COL18A1: variants seen among roughly 807,000 people sequenced by gnomAD.
COL18A1 encodes the protein collagen type XVIII alpha 1 chain.
COL18A1 carries 133 observed loss-of-function variants against 168.0 expected under a neutral mutation model. The ratio of observed to expected loss-of-function variants is 0.79; its 90% CI spans 0.69 to 0.91. The LOEUF (loss-of-function observed/expected upper bound fraction) is 0.91, where lower values mean the gene tolerates loss of function less well. Ranked by LOEUF, COL18A1 falls within the 40% of genes least tolerant of loss-of-function variation. The pLI, the probability that COL18A1 is intolerant of heterozygous loss-of-function variation, is 0.00. For missense variants in COL18A1, 2,126 were observed against 1,925.4 expected (o/e 1.10, Z -1.95); for synonymous variants, 949 against 809.0 (o/e 1.17, Z -2.94).
At chr21:45,466,802 G>A (rs111762736) in intron 2 of COL18A1, among the ~76,000 whole-genome samples, 1 of 152,352 alleles carries the variant, frequency 6.6e-6, no homozygotes, top group African/African-American at 2.4e-5. Context: ...ATGACGGAAT[G>A]TTCTAGGAAG....
At position 45,442,219 on chromosome 21, in the gene COL18A1, A is replaced by G. The variant is rs118013122; in HGVS notation, c.107-26023A>G. On this transcript the variant is annotated intron_variant, in intron 2 of 41. Transcript: ENST00000651438. The stretch of plus-strand genomic sequence containing the variant: ...CCATGACTGGATACCACCGGTGCAC[A>G]GGGTGCACGTGAGGAAACCCTGCCC... Among the ~76,000 whole-genome samples the G allele has an allele frequency of 3.2e-3, 482 of 152,292 alleles. 1 individual carries two copies. The highest frequency in any genetic ancestry group is 6.8e-3 in the Middle Eastern group (2 of 294).
At chr21:45,481,755 C>T (rs1220963599) in intron 13 of COL18A1, among the ~76,000 whole-genome samples, 1 of 152,238 alleles carries the variant, frequency 6.6e-6, no homozygotes, top group Non-Finnish European at 1.5e-5. Context: ...GTCGGCTCTG[C>T]CATCTCATCC....
At chr21:45,504,687 T>C (rs2037082134) in intron 34 of COL18A1, 131 bp downstream of exon 34, 2 of 774,634 alleles carry the variant, frequency 2.6e-6, no homozygotes, top group Non-Finnish European at 4.2e-6. Context: ...AGCCCCGACA[T>C]GTCCCTGTCC....
intron 10 of COL18A1, 34 bp from the exon 11 acceptor site, chr21:45,480,036 C>T (rs749616277): frequency 1.9e-6 from 3 of 1,610,382 alleles, no homozygotes; most frequent in Non-Finnish European, 2.5e-6. Flanking sequence ...TGTGTGCGTG[C>T]CCAGGGTATG....
chr21:45,409,177 G>A (rs2033213611), intron 2 of COL18A1, among the ~76,000 whole-genome samples: 1 of 152,144 alleles, frequency 6.6e-6, no homozygotes, highest in Non-Finnish European at 1.5e-5. Context: ...CTGTTAGCGG[G>A]TGCCTGTCAG....
intron 2 of COL18A1, among the ~76,000 whole-genome samples, chr21:45,451,102 T>C (rs972438581): frequency 1.3e-5 from 2 of 152,208 alleles, no homozygotes; most frequent in Non-Finnish European, 2.9e-5. Flanking sequence ...GCTGTTAGCC[T>C]CAGGCTCCTC....
chr21:45,498,690 C>A lies in COL18A1; in HGVS notation c.2683+1029C>A. 1.5e-6 allele frequency: 1 copy of A among 656,124 alleles called. No homozygotes were observed. Among genetic ancestry groups the A allele is most frequent in the South Asian group, 1.7e-5 (1 of 58,588 alleles). The allele number at this position is 656,124 out of a possible 1,614,324, so 40.6% of individuals were successfully genotyped here. On this transcript the variant is annotated intron_variant, in intron 32 of 41. Coordinates refer to ENST00000651438, the MANE Select transcript of COL18A1 (RefSeq NM_001379500.1). The surrounding 1 kb of genome is among the most constrained non-coding windows in gnomAD (Gnocchi z 4.5). Reference sequence around the variant, plus strand: ...ATGCCAGCCTTGGATCTCTCAGCGTCACACACGACGCCCAGGAAGGAGTGA... The same window carrying A: ...ATGCCAGCCTTGGATCTCTCAGCGTAACACACGACGCCCAGGAAGGAGTGA...
At position 45,437,973 on chromosome 21, in the gene COL18A1, C is replaced by T. The variant is rs575411168; in HGVS notation, c.107-30269C>T. Among the ~76,000 whole-genome samples, 3 of 82,990 alleles carry T rather than the reference C, an allele frequency of 3.6e-5. No individual in the cohort carries two copies. In the East Asian group the frequency reaches 1.2e-3, roughly 34 times the overall value. 54.4% of individuals were successfully genotyped at this position (82,990 alleles called of 152,430 possible). On this transcript the variant is annotated intron_variant, in intron 2 of 41. Coordinates refer to ENST00000651438, the MANE Select transcript of COL18A1 (RefSeq NM_001379500.1). ...ACACAGGCACTCTCCTGCACACACACACTCACACACTCAGACACACAGGCA... is the reference window on the plus strand; with the variant it reads ...ACACAGGCACTCTCCTGCACACACATACTCACACACTCAGACACACAGGCA...
intron 2 of COL18A1, among the ~76,000 whole-genome samples, chr21:45,445,477 A>G (rs2034484990): frequency 6.6e-6 from 1 of 152,180 alleles, no homozygotes; most frequent in Admixed American, 6.5e-5. Flanking sequence ...TATATACCTA[A>G]GGTGGAATCA....
rs2230687 is a variant in COL18A1 at position 45,476,389 on chromosome 21, C to A, written c.837C>A (p.Pro279=). ...ALKPRLPAPP[P]VTTPPLAGGS... ...AACCCAGGCTCCCCGCGCCACCCCC[C>A]GTCACCACGCCACCCTTGGCTGGAG... is the stretch of plus-strand genomic sequence containing the variant. Residue 279 remains proline, a synonymous_variant, in exon 6 of 42, where the codon CCC becomes CCA. Coordinates refer to ENST00000651438, the MANE Select transcript of COL18A1 (RefSeq NM_001379500.1). 9.2e-4 allele frequency: 1,484 copies of A among 1,613,728 alleles called. 5 individuals carry two copies. In the African/African-American group the frequency reaches 0.018, roughly 19 times the overall value.
intron 2 of COL18A1, chr21:45,456,685 C>G (rs746134933): frequency 5.9e-6 from 9 of 1,532,120 alleles, no homozygotes; most frequent in African/African-American, 1.4e-5. Context: ...ACCCCTTCCT[C>G]GCCTGGTTCT....
intron 24 of COL18A1, 105 bp downstream of exon 24, chr21:45,492,818 G>C (rs1025155255): frequency 1.1e-6 from 1 of 878,062 alleles, no homozygotes; most frequent in Non-Finnish European, 1.9e-6. Context: ...TGTCAGGCCC[G>C]AGGGATAGCG....
chr21:45,511,696 A>G lies in COL18A1; in HGVS notation c.3809+470A>G, dbSNP rs147061624. ...CCACGTGAGCGCCGCGATTCTTCCA[A>G]CACTCATGCATTTAGGGGTGTCTCG... On this transcript the variant is annotated intron_variant, in intron 41 of 41. Coordinates refer to ENST00000651438, the MANE Select transcript of COL18A1 (RefSeq NM_001379500.1). Among the ~76,000 whole-genome samples, 1,052 of 152,070 alleles carry G rather than the reference A, an allele frequency of 6.9e-3. 18 individuals are homozygous for G. The highest frequency in any genetic ancestry group is 0.024 in the African/African-American group (1,000 of 41,494).
intron 2 of COL18A1, among the ~76,000 whole-genome samples, chr21:45,465,377 A>T (rs2035165723): frequency 6.6e-6 from 1 of 152,066 alleles, no homozygotes; most frequent in Non-Finnish European, 1.5e-5. Context: ...GGTTGTTTTT[A>T]GCCTTCCGTG....
intron 2 of COL18A1, among the ~76,000 whole-genome samples, chr21:45,411,766 T>TGGGGGGGGG (rs56879596): frequency 5.1e-5 from 2 of 39,216 alleles, no homozygotes; most frequent in Admixed American, 3.0e-4. Context: ...TGGCGGGGGG[T>TGGGGGGGGG]GGGGGGGGGG....
chr21:45,472,503 G>A (rs1406777611), intron 3 of COL18A1, among the ~76,000 whole-genome samples: 2 of 152,132 alleles, frequency 1.3e-5, no homozygotes, highest in Non-Finnish European at 1.5e-5. Flanking sequence ...GAGCCACTGC[G>A]CCCGGCCGAA....
At chr21:45,447,764 G>A (rs904161170) in intron 2 of COL18A1, among the ~76,000 whole-genome samples, 3 of 152,082 alleles carry the variant, frequency 2.0e-5, no homozygotes, top group African/African-American at 7.2e-5. Context: ...CTTTGTTTTG[G>A]GTAGAGCATG....
intron 5 of COL18A1, 125 bp downstream of exon 5, chr21:45,475,660 A>C: frequency 1.2e-6 from 1 of 854,686 alleles, no homozygotes. Flanking sequence ...ACGAAGACAT[A>C]TTCCTGGCTG....
At chr21:45,476,242 TTTTC>T (rs760161897) in intron 5 of COL18A1, 105 bp from the exon 6 acceptor site, 253 of 1,517,668 alleles carry the variant, frequency 1.7e-4, no homozygotes, top group Non-Finnish European at 2.2e-4. Flanking sequence ...TTCAGAGGAT[TTTTC>T]TTTATCTTTC....
Sources: gnomAD v4.1 joint callset for allele counts (sites outside exome capture counted in the v4.1 genomes callset) on GRCh38, gnomAD v4.1.1 for gene constraint, Gnocchi (gnomAD v3.1) non-coding constraint, MANE v1.5 for transcripts, NCBI Gene and HGNC (gene_info 2026-07-23, HGNC 2026-07-21) for gene names.